TMTC2: variants seen among roughly 807,000 people sequenced by gnomAD.
TMTC2 encodes transmembrane O-mannosyltransferase targeting cadherins 2.
A neutral mutation model predicts 82.4 loss-of-function variants in TMTC2; 43 were observed. The observed-to-expected ratio is 0.52, with a 90% CI of 0.41 to 0.67. TMTC2 has a LOEUF of 0.67. Among genes scored for constraint, TMTC2 ranks in the 30% least tolerant of loss-of-function variants. The probability of loss-of-function intolerance (pLI) is 0.00; values close to 1 mark genes in which losing one functional copy is unlikely to be tolerated. For missense variants in TMTC2, 919 were observed against 1,012.4 expected (o/e 0.91, Z 1.25); for synonymous variants, 408 against 381.9 (o/e 1.07, Z -0.80).
At chr12:82,723,181 A>G (rs1045762555) in intron 1 of TMTC2, among the ~76,000 whole-genome samples, 3 of 152,232 alleles carry the variant, frequency 2.0e-5, no homozygotes, top group African/African-American at 7.2e-5. Flanking sequence ...GATTTTAACT[A>G]TAGTAATTAT....
intron 2 of TMTC2, among the ~76,000 whole-genome samples, chr12:82,859,384 T>C (rs1871417680): frequency 6.6e-6 from 1 of 152,148 alleles, no homozygotes; most frequent in Admixed American, 6.5e-5. Context: ...TTTTACAGAA[T>C]TTCCATCTTA....
At chr12:82,823,685 G>T (rs1248644866) in intron 1 of TMTC2, among the ~76,000 whole-genome samples, 2 of 152,094 alleles carry the variant, frequency 1.3e-5, no homozygotes, top group African/African-American at 2.4e-5. Context: ...TTCAGATGTT[G>T]GTGGTCATTG....
chr12:83,025,209 A>G (rs1009648325), intron 8 of TMTC2, among the ~76,000 whole-genome samples: 2 of 108,362 alleles, frequency 1.8e-5, no homozygotes, highest in Non-Finnish European at 4.2e-5. Context: ...TCAAAAAAAA[A>G]AAGAAAAGAA....
intron 1 of TMTC2, among the ~76,000 whole-genome samples, chr12:82,711,667 A>G (rs900127175): frequency 6.6e-6 from 1 of 152,208 alleles, no homozygotes; most frequent in African/African-American, 2.4e-5. Context: ...AAAAAAAATG[A>G]AAACAGATGG....
chr12:82,753,024 T>G (rs894307029), intron 1 of TMTC2, among the ~76,000 whole-genome samples: 3 of 152,148 alleles, frequency 2.0e-5, no homozygotes, highest in African/African-American at 7.2e-5. Flanking sequence ...CTTGGTCTTT[T>G]CATCATCTTT....
chr12:82,958,002 G>A (rs551908525), intron 4 of TMTC2, among the ~76,000 whole-genome samples: 5 of 152,068 alleles, frequency 3.3e-5, no homozygotes, highest in African/African-American at 4.8e-5. Flanking sequence ...CAAGGAGGTC[G>A]GACCCCTCCC....
intron 1 of TMTC2, among the ~76,000 whole-genome samples, chr12:82,700,229 C>A (rs942607463): frequency 4.6e-5 from 7 of 152,050 alleles, no homozygotes; most frequent in Non-Finnish European, 1.0e-4. Context: ...AATAGCAATA[C>A]CTACTTAATA....
chr12:83,099,475 G>A (rs745750385), intron 11 of TMTC2, among the ~76,000 whole-genome samples: 3 of 152,034 alleles, frequency 2.0e-5, no homozygotes, highest in Admixed American at 6.6e-5. Context: ...TGAATCTTCC[G>A]TGCTATTATT....
chr12:82,865,659 A>G (rs562540449), intron 2 of TMTC2, among the ~76,000 whole-genome samples: 1 of 152,316 alleles, frequency 6.6e-6, no homozygotes, highest in East Asian at 1.9e-4. Flanking sequence ...CACCAAGCGG[A>G]CCTAATAGAC....
intron 1 of TMTC2, among the ~76,000 whole-genome samples, chr12:82,775,885 A>G (rs1424243660): frequency 1.3e-5 from 2 of 151,876 alleles, no homozygotes; most frequent in African/African-American, 4.8e-5. Flanking sequence ...CACATTTATA[A>G]TTTTTTAGTT....
intron 1 of TMTC2, among the ~76,000 whole-genome samples, chr12:82,729,769 C>CT (rs1163497412): frequency 6.6e-6 from 1 of 152,212 alleles, no homozygotes; most frequent in Non-Finnish European, 1.5e-5. Flanking sequence ...GTTTTCCGTG[C>CT]TGTGGTAGCT....
At position 82,857,463 on chromosome 12, in the gene TMTC2, A is replaced by G. The variant is rs1871320240; in HGVS notation, c.537A>G (p.Ala179=). ...WGWFLGSGLC[A]GCSMLWKEQG... is the part of the protein sequence containing the mutation. ...GGTTCCTGGGGTCAGGACTGTGCGC[A>G]GGATGCAGCATGTTGTGGAAGGAAC... The change falls in exon 2 of 12, where the codon GCA becomes GCG. Residue 179 remains alanine (A), a synonymous_variant. Transcript: ENST00000321196. 2.5e-6 allele frequency: 4 copies of G among 1,614,236 alleles called. No homozygotes were observed. The highest frequency in any genetic ancestry group is 3.4e-6 in the Non-Finnish European group (4 of 1,180,048).
chr12:82,963,408 T>C (rs1025485174), intron 4 of TMTC2, among the ~76,000 whole-genome samples: 10 of 151,960 alleles, frequency 6.6e-5, no homozygotes, highest in African/African-American at 2.4e-4. Context: ...TAGATGGTAT[T>C]TCTCCCCTGG....
At chr12:83,019,901 G>A (rs1326842231) in intron 8 of TMTC2, among the ~76,000 whole-genome samples, 3 of 152,040 alleles carry the variant, frequency 2.0e-5, no homozygotes, top group African/African-American at 7.2e-5. Context: ...CCCTGCTCTT[G>A]CCTGCATTTT....
chr12:83,025,123 CAG>C (rs1014507013), intron 8 of TMTC2, among the ~76,000 whole-genome samples: 2 of 151,986 alleles, frequency 1.3e-5, no homozygotes, highest in African/African-American at 4.8e-5. Flanking sequence ...ACCCAGGAGA[CAG>C]AGGTTGCAGT....
intron 1 of TMTC2, among the ~76,000 whole-genome samples, chr12:82,704,657 T>C (rs562556407): frequency 1.3e-5 from 2 of 151,364 alleles, no homozygotes; most frequent in South Asian, 2.1e-4. Context: ...TTTGGTAAAA[T>C]AGTATTTTTT....
intron 1 of TMTC2, among the ~76,000 whole-genome samples, chr12:82,747,706 C>A (rs567595567): frequency 2.6e-5 from 4 of 152,272 alleles, no homozygotes; most frequent in South Asian, 2.1e-4. Context: ...CTGCTGAATT[C>A]TTCTAATGAT....
intron 3 of TMTC2, among the ~76,000 whole-genome samples, chr12:82,918,796 T>A (rs1010117517): frequency 1.3e-5 from 2 of 151,646 alleles, no homozygotes; most frequent in African/African-American, 4.9e-5. Context: ...CTTGCTCTGT[T>A]GCTCAGGCTG....
chr12:82,858,104 T>C (rs1263756774), intron 2 of TMTC2, among the ~76,000 whole-genome samples: 2 of 152,194 alleles, frequency 1.3e-5, no homozygotes, highest in African/African-American at 4.8e-5. Context: ...TGATAGTGCA[T>C]AAGAATAGAA....
Sources: allele counts gnomAD v4.1 joint callset (sites outside exome capture counted in the v4.1 genomes callset), GRCh38; gene constraint gnomAD v4.1.1; transcripts MANE v1.5; gene names NCBI Gene and HGNC (gene_info 2026-07-23, HGNC 2026-07-21).